The following ALDH8A1 variants were observed in gnomAD, a reference collection of about 807,000 sequenced individuals.
ALDH8A1 encodes the protein aldehyde dehydrogenase 8 family member A1.
ALDH8A1 carries 39 observed loss-of-function variants against 43.3 expected under a neutral mutation model. That is an observed-to-expected ratio of 0.90 (90% confidence interval 0.70 to 1.18). The LOEUF is 1.18. Ranked by LOEUF, ALDH8A1 falls within the 50% of genes most tolerant of loss-of-function variation. The pLI, the probability that ALDH8A1 is intolerant of heterozygous loss-of-function variation, is 0.00. For missense variants in ALDH8A1, 605 were observed against 622.6 expected (o/e 0.97, Z 0.30); for synonymous variants, 233 against 243.5 (o/e 0.96, Z 0.40).
intron 4 of ALDH8A1, among the ~76,000 whole-genome samples, chr6:134,933,960 C>T (rs552135316): frequency 6.8e-4 from 104 of 152,242 alleles, no homozygotes; most frequent in African/African-American, 2.2e-3. Context: ...CTGCCCACCT[C>T]GGCCTGCCAA....
rs539107728 is a variant in ALDH8A1 at position 134,932,654 on chromosome 6, A to G, written c.849+122T>C. 8.7e-4 allele frequency: 1,200 copies of G among 1,378,972 alleles called. 3 individuals are homozygous for G. Among genetic ancestry groups the G allele is most frequent in the South Asian group, 2.0e-3 (145 of 71,740 alleles). 85.4% of individuals were successfully genotyped at this position (1,378,972 alleles called of 1,614,324 possible). On this transcript the variant is annotated intron_variant, in intron 5 of 6. Coordinates refer to ENST00000265605, the MANE Select transcript of ALDH8A1 (RefSeq NM_022568.4). ...GTTAAGGGAATCACACAATGTACTG[A>G]TCCTGCTTTCTCGGAAATGGCACTG...
At chr6:134,949,779 G>C in intron 1 of ALDH8A1, 137 bp downstream of exon 1, 1 of 1,001,022 alleles carries the variant, frequency 1.0e-6, no homozygotes, top group Non-Finnish European at 1.4e-6. Flanking sequence ...TACATCTTCT[G>C]AGAACTAGAA....
intron 5 of ALDH8A1, among the ~76,000 whole-genome samples, chr6:134,930,837 A>G (rs1776973000): frequency 6.6e-6 from 1 of 152,236 alleles, no homozygotes. Context: ...AGATTAAGAA[A>G]AGGACAGTAT....
chr6:134,939,230 C>T (rs199685573), intron 4 of ALDH8A1, 36 bp downstream of exon 4: 2 of 1,609,572 alleles, frequency 1.2e-6, no homozygotes, highest in East Asian at 4.5e-5. Flanking sequence ...TTTGCTCCAA[C>T]TCTGTGCCTG....
At chr6:134,929,925 G>C (rs6915305) in intron 5 of ALDH8A1, among the ~76,000 whole-genome samples, 25,121 of 152,172 alleles carry the variant, frequency 0.17, 3,284 homozygotes, top group African/African-American at 0.35. Context: ...AGTGTGGGAA[G>C]AGAGCAGAGG....
intron 4 of ALDH8A1, among the ~76,000 whole-genome samples, chr6:134,937,085 G>C (rs1471670872): frequency 6.6e-6 from 1 of 152,104 alleles, no homozygotes; most frequent in Non-Finnish European, 1.5e-5. Context: ...GAAGGGCCAG[G>C]AAAACGCAGT....
chr6:134,924,607 A>G (rs1475747118), intron 6 of ALDH8A1, among the ~76,000 whole-genome samples: 2 of 152,192 alleles, frequency 1.3e-5, no homozygotes, highest in Admixed American at 1.3e-4. Context: ...TCTGGCATTC[A>G]TTCCCAAATA....
At position 134,931,566 on chromosome 6, in the gene ALDH8A1, C is replaced by G. The variant is rs116358319; in HGVS notation, c.849+1210G>C. Among the ~76,000 whole-genome samples the G allele has an allele frequency of 8.3e-3, 1,263 of 152,156 alleles. 17 individuals carry two copies. The highest frequency in any genetic ancestry group is 0.029 in the African/African-American group (1,187 of 41,500). On this transcript the variant is annotated intron_variant, in intron 5 of 6. Coordinates refer to ENST00000265605, the MANE Select transcript of ALDH8A1 (RefSeq NM_022568.4). ...CAGGTGTGAGCCACCATGCCTGGACCCTCAGAATTTGTTTAATACAGAGTT... is the reference window on the plus strand; with the variant it reads ...CAGGTGTGAGCCACCATGCCTGGACGCTCAGAATTTGTTTAATACAGAGTT...
intron 1 of ALDH8A1, among the ~76,000 whole-genome samples, chr6:134,948,642 A>G (rs1043737793): frequency 1.3e-5 from 2 of 152,228 alleles, no homozygotes; most frequent in African/African-American, 2.4e-5. Flanking sequence ...GAAATTGGAC[A>G]TGCAGTTTGT....
intron 1 of ALDH8A1, among the ~76,000 whole-genome samples, chr6:134,946,126 T>C (rs967844537): frequency 2.0e-5 from 3 of 152,230 alleles, no homozygotes; most frequent in African/African-American, 7.2e-5. Context: ...GTATTATCTT[T>C]ATAGCAGTGT....
intron 5 of ALDH8A1, among the ~76,000 whole-genome samples, chr6:134,930,052 G>T (rs538090397): frequency 6.6e-6 from 1 of 152,196 alleles, no homozygotes; most frequent in South Asian, 2.1e-4. Flanking sequence ...TCTTCCAGGG[G>T]CACGGGACCT....
chr6:134,933,772 C>T (rs1401417973), intron 4 of ALDH8A1, among the ~76,000 whole-genome samples: 1 of 152,046 alleles, frequency 6.6e-6, no homozygotes, highest in Non-Finnish European at 1.5e-5. Context: ...GCAGTGGCAC[C>T]ATCTCGGCTC....
chr6:134,943,372 C>T (rs1000563379), intron 2 of ALDH8A1, among the ~76,000 whole-genome samples: 3 of 151,632 alleles, frequency 2.0e-5, no homozygotes, highest in Non-Finnish European at 4.4e-5. Context: ...TGAGATGTGT[C>T]GGGAGTGGAA....
At position 134,929,107 on chromosome 6, in the gene ALDH8A1, A is replaced by T; in HGVS notation, c.958T>A (p.Ser320Thr). ...ATRKWKVGIP[S>T]DPLVSIGALI... is the part of the protein sequence containing the mutation. ...GCACCTATGCTCACCAGTGGATCAG[A>T]GGGAATGCCGACTTTCCACTTTCTG... Residue 320 changes from serine to threonine, a missense_variant, in exon 6 of 7, where the codon TCT becomes ACT. Coordinates refer to ENST00000265605, the MANE Select transcript of ALDH8A1 (RefSeq NM_022568.4). The T allele has an allele frequency of 6.2e-7, 1 of 1,614,212 alleles. No individual in the cohort carries two copies. Among genetic ancestry groups the T allele is most frequent in the Non-Finnish European group, 8.5e-7 (1 of 1,180,040 alleles).
intron 1 of ALDH8A1, among the ~76,000 whole-genome samples, chr6:134,947,014 A>G (rs1773965453): frequency 6.6e-6 from 1 of 152,254 alleles, no homozygotes; most frequent in Non-Finnish European, 1.5e-5. Context: ...GTAGCATGGC[A>G]CTGGTGTAAA....
chr6:134,921,565 A>G (rs1241372935), intron 6 of ALDH8A1, among the ~76,000 whole-genome samples: 1 of 152,242 alleles, frequency 6.6e-6, no homozygotes, highest in Non-Finnish European at 1.5e-5. Flanking sequence ...GTATCTCCAT[A>G]AGTCCTTGAG....
chr6:134,941,895 T>C (rs1031485180), intron 3 of ALDH8A1, among the ~76,000 whole-genome samples: 1 of 151,954 alleles, frequency 6.6e-6, no homozygotes, highest in Non-Finnish European at 1.5e-5. Flanking sequence ...ACTCTTAGCA[T>C]CATTCTTTTC....
chr6:134,919,034 C>T (rs553239580), intron 6 of ALDH8A1, among the ~76,000 whole-genome samples, 167 bp from the exon 7 acceptor site: 6 of 152,158 alleles, frequency 3.9e-5, no homozygotes, highest in African/African-American at 7.2e-5. Context: ...AGGGCAGAGG[C>T]GCTCCAAGCA....
chr6:134,933,181 A>T, intron 4 of ALDH8A1, 149 bp from the exon 5 acceptor site: 1 of 901,464 alleles, frequency 1.1e-6, no homozygotes, highest in Non-Finnish European at 1.6e-6. Context: ...TGGAACTTCT[A>T]TGGCTGCCTC....
Sources: allele counts gnomAD v4.1 joint callset (sites outside exome capture counted in the v4.1 genomes callset), GRCh38; gene constraint gnomAD v4.1.1; transcripts MANE v1.5; gene names NCBI Gene and HGNC (gene_info 2026-07-23, HGNC 2026-07-21).